The following METTL22 variants were observed in gnomAD, a reference collection of about 807,000 sequenced individuals.
The protein encoded by METTL22 is methyltransferase-like protein 22.
METTL22 carries 51 observed loss-of-function variants against 48.4 expected under a neutral mutation model. The ratio of observed to expected loss-of-function variants is 1.05; its 90% confidence interval spans 0.84 to 1.33. The LOEUF (loss-of-function observed/expected upper bound fraction) is 1.33, where lower values mean the gene tolerates loss of function less well. Among genes scored for constraint, METTL22 ranks in the 40% most tolerant of loss-of-function variants. METTL22 has a pLI of 0.00. For synonymous variants in METTL22, 255 were observed against 214.1 expected (o/e 1.19, Z -1.67); for missense variants, 678 against 526.9 (o/e 1.29, Z -2.81).
chr16:8,657,838 A>G, the METTL22 span, among the ~76,000 whole-genome samples: 1 of 85,040 alleles, frequency 1.2e-5, no homozygotes, highest in East Asian at 2.4e-4. Context: ...TTTTTTTGAG[A>G]CAAGGTTTCT....
the METTL22 span, among the ~76,000 whole-genome samples, chr16:8,663,779 C>T: frequency 6.6e-6 from 1 of 152,194 alleles, no homozygotes; most frequent in African/African-American, 2.4e-5. Flanking sequence ...TCATCTTAGA[C>T]CTTTCTGGGT....
At position 8,646,339 on chromosome 16, in the gene METTL22, G is replaced by A. The variant is rs1434400316; in HGVS notation, c.*196G>A. Reference sequence around the variant, plus strand: ...TGTAGCCAGAGAAGGTTGTTGCTGTGGGCTGGAGGTCACTTTAGTTGCCTG... The same window carrying A: ...TGTAGCCAGAGAAGGTTGTTGCTGTAGGCTGGAGGTCACTTTAGTTGCCTG... On this transcript the variant is annotated 3_prime_UTR_variant, in exon 11 of 11. Transcript: ENST00000381920. The A allele has an allele frequency of 2.7e-6, 2 of 752,182 alleles. No individual in the cohort carries two copies. Among genetic ancestry groups the A allele is most frequent in the East Asian group, 5.4e-5 (2 of 37,320 alleles). The allele number at this position is 752,182 out of a possible 1,614,324, so 46.6% of individuals were successfully genotyped here.
rs1025025656 is a variant in METTL22, at chr16:8,646,937, G to A, written c.*794G>A. On this transcript the variant is annotated 3_prime_UTR_variant, in exon 11 of 11. Coordinates refer to ENST00000381920, the MANE Select transcript of METTL22 (RefSeq NM_024109.4). Reference sequence around the variant, plus strand: ...TCTCCTCCCATCTCCACCCCTTCCTGTCATCCTCTATGTCCCACTGTCTCT... The same window carrying A: ...TCTCCTCCCATCTCCACCCCTTCCTATCATCCTCTATGTCCCACTGTCTCT... 1.7e-5 allele frequency: 6 copies of A among 348,976 alleles called. No individual in the cohort carries two copies. Among genetic ancestry groups the A allele is most frequent in the Non-Finnish European group, 3.4e-5 (6 of 177,226 alleles). 21.6% of individuals were successfully genotyped at this position (348,976 alleles called of 1,614,324 possible).
chr16:8,632,660 C>G (rs2056303434), intron 3 of METTL22, among the ~76,000 whole-genome samples: 1 of 152,204 alleles, frequency 6.6e-6, no homozygotes, highest in African/African-American at 2.4e-5. Context: ...AGCCTGTGCT[C>G]TCTCAGAAGC....
At chr16:8,657,786 T>C in the METTL22 span, among the ~76,000 whole-genome samples, 41,233 of 149,250 alleles carry the variant, frequency 0.28, 7,014 homozygotes, top group African/African-American at 0.48. Flanking sequence ...GTCCTAAATC[T>C]AATGACTGGT....
At chr16:8,643,625 T>G (rs1443807086) in intron 9 of METTL22, among the ~76,000 whole-genome samples, 1 of 152,006 alleles carries the variant, frequency 6.6e-6, no homozygotes, top group Non-Finnish European at 1.5e-5. Context: ...TTTTTTTTGT[T>G]TTTTTGAGGC....
At chr16:8,651,265 T>C (rs192110880), downstream of METTL22, among the ~76,000 whole-genome samples, 41 of 150,452 alleles carry the variant, frequency 2.7e-4, 1 homozygote, top group East Asian at 7.7e-3. Context: ...CGGGCACCTG[T>C]AGTCCCAGCT....
intron 2 of METTL22, 67 bp from the exon 3 acceptor site, chr16:8,628,660 AAAG>A: frequency 6.6e-7 from 1 of 1,524,848 alleles, no homozygotes; most frequent in Non-Finnish European, 8.8e-7. Context: ...AGATATTCTC[AAAG>A]AAGAAGAGGA....
chr16:8,661,237 C>A, the METTL22 span, among the ~76,000 whole-genome samples: 2 of 152,034 alleles, frequency 1.3e-5, no homozygotes, highest in Non-Finnish European at 2.9e-5. Flanking sequence ...TCTACAGTGA[C>A]TCTCGGGGGA....
chr16:8,652,205 T>C (rs2056909165), downstream of METTL22, among the ~76,000 whole-genome samples: 1 of 152,084 alleles, frequency 6.6e-6, no homozygotes, highest in Admixed American at 6.6e-5. Flanking sequence ...AAGCCTGTTA[T>C]CCCAGCACTT....
At chr16:8,651,140 C>G (rs868130111), downstream of METTL22, among the ~76,000 whole-genome samples, 2 of 152,042 alleles carry the variant, frequency 1.3e-5, no homozygotes, top group Non-Finnish European at 2.9e-5. Context: ...GTAATCCCAG[C>G]ACTTTGGGAG....
Position 8,628,945 on chromosome 16 carries a change from G to C in METTL22, c.349G>C (p.Asp117His), listed in dbSNP as rs765640198. 1.2e-6 allele frequency: 2 copies of C among 1,614,168 alleles called. No individual in the cohort carries two copies. The highest frequency in any genetic ancestry group is 1.7e-5 in the Admixed American group (1 of 60,034). Reference protein sequence around the residue: ...TGQEVAEAQLDEDGDLDVVRR... With the variant: ...TGQEVAEAQLHEDGDLDVVRR... Reference sequence around the variant, plus strand: ...CCAGGAAGTGGCTGAAGCTCAGCTGGATGAGGATGGGGATTTGGACGTGGT... The same window carrying C: ...CCAGGAAGTGGCTGAAGCTCAGCTGCATGAGGATGGGGATTTGGACGTGGT... The change falls in exon 3 of 11, where the codon GAT (aspartate) becomes CAT (histidine). Residue 117 changes from aspartate (D) to histidine (H), a missense_variant. Asp to His is a moderately conservative substitution (Grantham distance 81, BLOSUM62 -1). Coordinates refer to ENST00000381920, the MANE Select transcript of METTL22 (RefSeq NM_024109.4).
At chr16:8,651,574 C>A (rs1353967536), downstream of METTL22, among the ~76,000 whole-genome samples, 1 of 151,960 alleles carries the variant, frequency 6.6e-6, no homozygotes, top group Non-Finnish European at 1.5e-5. Flanking sequence ...TCATCACCTG[C>A]TAGAGACATC....
downstream of METTL22, among the ~76,000 whole-genome samples, chr16:8,650,304 C>A (rs561731747): frequency 6.6e-6 from 1 of 152,328 alleles, no homozygotes; most frequent in East Asian, 1.9e-4. Flanking sequence ...ACCCTCACAG[C>A]CTTACAGACA....
intron 3 of METTL22, among the ~76,000 whole-genome samples, chr16:8,630,715 A>C (rs4985069): frequency 0.99 from 150,266 of 152,164 alleles, 74,228 homozygotes; most frequent in Middle Eastern, 1. Context: ...GCCTGTGACC[A>C]GCTTCCCCTC....
intron 10 of METTL22, 131 bp downstream of exon 10, chr16:8,644,856 G>A (rs554704192): frequency 1.5e-5 from 14 of 950,014 alleles, no homozygotes; most frequent in African/African-American, 3.4e-5. Context: ...TGAAGCCTGC[G>A]TGCCTGGCAC....
chr16:8,629,793 G>GA (rs976476122), intron 3 of METTL22, among the ~76,000 whole-genome samples: 3 of 152,132 alleles, frequency 2.0e-5, no homozygotes, highest in African/African-American at 7.2e-5. Context: ...TGGCACTCTA[G>GA]AAACACCGGG....
At position 8,640,949 on chromosome 16, in the gene METTL22, G is replaced by GAT. The variant is rs1567241363; in HGVS notation, c.773-182_773-181insAT. On this transcript the variant is annotated intron_variant, in intron 6 of 10. Coordinates refer to ENST00000381920, the MANE Select transcript of METTL22 (RefSeq NM_024109.4). ...GGATGGATGGATGGATGGATGGGTG[G>GAT]GTGGATGGCTGGCTGGCTGGCTGGC... Among the ~76,000 whole-genome samples, 354 of 98,954 alleles carry GAT rather than the reference G, an allele frequency of 3.6e-3. 34 individuals carry two copies. The highest frequency in any genetic ancestry group is 0.012 in the African/African-American group (331 of 26,532). 64.9% of individuals were successfully genotyped at this position (98,954 alleles called of 152,430 possible).
the METTL22 span, among the ~76,000 whole-genome samples, chr16:8,659,744 G>A: frequency 6.6e-6 from 1 of 150,438 alleles, no homozygotes; most frequent in Admixed American, 6.6e-5. Context: ...TTTTTTTCCA[G>A]ACAGCGTCTT....
Sources: allele counts gnomAD v4.1 joint callset (sites outside exome capture counted in the v4.1 genomes callset), GRCh38; gene constraint gnomAD v4.1.1; transcripts MANE v1.5; gene names NCBI Gene and HGNC (gene_info 2026-07-23, HGNC 2026-07-21).